LIN28B: variants seen among roughly 807,000 people sequenced by gnomAD.
LIN28B encodes the protein lin-28 RNA binding posttranscriptional regulator B.
In LIN28B, 5 loss-of-function variants were observed where a neutral mutation model predicts 21.9. The ratio of observed to expected loss-of-function variants is 0.23; its 90% CI spans 0.12 to 0.48. The LOEUF (loss-of-function observed/expected upper bound fraction) is 0.48. Among genes scored for constraint, LIN28B ranks in the 20% least tolerant of loss-of-function variants. The pLI is 0.98. For missense variants in LIN28B, 245 were observed against 310.5 expected, an observed-to-expected ratio of 0.79 and a Z score of 1.58; for synonymous variants, 109 against 111.3, an observed-to-expected ratio of 0.98 and a Z score of 0.13.
chr6:105,074,627 C>T (rs1453506517), intron 3 of LIN28B, among the ~76,000 whole-genome samples: 2 of 152,158 alleles, frequency 1.3e-5, no homozygotes, highest in Non-Finnish European at 2.9e-5. Context: ...TATGCTAGCT[C>T]ATTAGAATTA....
At chr6:105,011,480 G>C (rs1429350369) in intron 2 of LIN28B, among the ~76,000 whole-genome samples, 2 of 152,206 alleles carry the variant, frequency 1.3e-5, no homozygotes, top group Admixed American at 1.3e-4. Flanking sequence ...GTGAGCCACT[G>C]TGCCTGCCCC....
At chr6:105,012,483 A>AAAAC (rs900853683) in intron 2 of LIN28B, among the ~76,000 whole-genome samples, 7 of 151,992 alleles carry the variant, frequency 4.6e-5, no homozygotes, top group Admixed American at 6.5e-5. Context: ...AAAAAAAACA[A>AAAAC]AAACAAACAA....
intron 3 of LIN28B, among the ~76,000 whole-genome samples, chr6:105,071,993 C>T (rs1369623696): frequency 1.3e-5 from 2 of 151,914 alleles, no homozygotes; most frequent in East Asian, 3.9e-4. Flanking sequence ...TGGACTACTC[C>T]CAGTCTTTTG....
At chr6:104,957,358 C>A in intron 1 of LIN28B, 98 bp downstream of exon 1, 1 of 726,402 alleles carries the variant, frequency 1.4e-6, no homozygotes, top group Non-Finnish European at 2.2e-6. Flanking sequence ...CCCCCTTCCC[C>A]TTTTACCCCA....
rs771652110 is a variant in LIN28B, at chr6:105,078,813, C to T, written c.*30C>T. 1 of 1,588,982 alleles carries T rather than the reference C, an allele frequency of 6.3e-7. No homozygotes were observed. Among genetic ancestry groups the T allele is most frequent in the East Asian group, 2.2e-5 (1 of 44,486 alleles). ...TCTTCTTCATATGTTCTTTCCTTTA[C>T]CCGGTTGCAAAGTCTACCTCATGCA... On this transcript the variant is annotated 3_prime_UTR_variant, in exon 4 of 4. Transcript: ENST00000345080.
chr6:105,031,954 C>A (rs949214448), intron 3 of LIN28B, among the ~76,000 whole-genome samples: 2 of 152,138 alleles, frequency 1.3e-5, no homozygotes, highest in African/African-American at 4.8e-5. Context: ...ACCTATAACC[C>A]CTGGCAGCCT....
chr6:104,993,358 A>G (rs1010122003), intron 2 of LIN28B, among the ~76,000 whole-genome samples: 3 of 152,132 alleles, frequency 2.0e-5, no homozygotes, highest in African/African-American at 7.2e-5. Context: ...AGTCTGAGCT[A>G]CTTGGGAGGC....
At chr6:104,942,512 T>C (rs1028870550) in intron 2 of LIN28B, among the ~76,000 whole-genome samples, 2 of 150,934 alleles carry the variant, frequency 1.3e-5, no homozygotes, top group Non-Finnish European at 3.0e-5. Flanking sequence ...AAATTTGCTA[T>C]GAAATTTATG....
intron 3 of LIN28B, among the ~76,000 whole-genome samples, chr6:105,035,399 T>C (rs959862698): frequency 6.6e-6 from 1 of 152,136 alleles, no homozygotes; most frequent in Non-Finnish European, 1.5e-5. Context: ...GAGAAATCTT[T>C]CAGGCATGAA....
intron 2 of LIN28B, among the ~76,000 whole-genome samples, chr6:105,016,151 A>G (rs1771021199): frequency 6.6e-6 from 1 of 152,320 alleles, no homozygotes; most frequent in South Asian, 2.1e-4. Context: ...GCAGTAAAAC[A>G]AAATACTCTA....
chr6:104,944,720 C>T (rs774548339), intron 2 of LIN28B, among the ~76,000 whole-genome samples: 2 of 151,980 alleles, frequency 1.3e-5, no homozygotes, highest in African/African-American at 2.4e-5. Context: ...TGTTGTAATA[C>T]ATTTAATATA....
intron 2 of LIN28B, among the ~76,000 whole-genome samples, chr6:104,995,431 G>C (rs563742055): frequency 1.9e-3 from 291 of 152,242 alleles, no homozygotes; most frequent in African/African-American, 6.8e-3. Flanking sequence ...TCAGATTTGG[G>C]GGGGCCAGAT....
intron 3 of LIN28B, among the ~76,000 whole-genome samples, chr6:105,034,660 A>G (rs1019840404): frequency 2.0e-5 from 3 of 152,078 alleles, no homozygotes; most frequent in African/African-American, 7.2e-5. Context: ...ATGATCAGAA[A>G]GACCAAGATG....
At chr6:104,973,401 C>T (rs543399516) in intron 2 of LIN28B, among the ~76,000 whole-genome samples, 2 of 152,088 alleles carry the variant, frequency 1.3e-5, no homozygotes, top group South Asian at 4.2e-4. Context: ...TGAAATTACC[C>T]AAATTATTGG....
At chr6:104,960,538 A>G (rs1483607488) in intron 2 of LIN28B, among the ~76,000 whole-genome samples, 3 of 152,164 alleles carry the variant, frequency 2.0e-5, no homozygotes, top group East Asian at 3.9e-4. Flanking sequence ...AACTGGACCT[A>G]TGTCTACTCA....
At chr6:105,062,629 C>A (rs1023503224) in intron 3 of LIN28B, among the ~76,000 whole-genome samples, 79 of 151,956 alleles carry the variant, frequency 5.2e-4, no homozygotes, top group African/African-American at 1.9e-3. Context: ...CCGTTGAATG[C>A]AAGTAATTCT....
chr6:104,938,030 A>G (rs1322366337), intron 2 of LIN28B, among the ~76,000 whole-genome samples: 1 of 136,012 alleles, frequency 7.4e-6, no homozygotes, highest in Non-Finnish European at 1.5e-5. Flanking sequence ...CCTGGGCAAC[A>G]GAGCAAGAAC....
chr6:105,067,648 C>T (rs1195801059), intron 3 of LIN28B, among the ~76,000 whole-genome samples: 1 of 152,102 alleles, frequency 6.6e-6, no homozygotes, highest in Admixed American at 6.6e-5. Context: ...AGAGAGATAA[C>T]ATTTCTATTT....
chr6:105,035,746 T>A (rs1256271761), intron 3 of LIN28B, among the ~76,000 whole-genome samples: 1 of 152,162 alleles, frequency 6.6e-6, no homozygotes, highest in African/African-American at 2.4e-5. Context: ...CCTCAAAATA[T>A]CAGGAAATGT....
Sources: gnomAD v4.1 joint callset for allele counts (sites outside exome capture counted in the v4.1 genomes callset) on GRCh38, gnomAD v4.1.1 for gene constraint, MANE v1.5 for transcripts, NCBI Gene and HGNC (gene_info 2026-07-23, HGNC 2026-07-21) for gene names.